ZNF491: variants seen among roughly 807,000 people sequenced by gnomAD.
The protein encoded by ZNF491 is zinc finger protein 491.
In ZNF491, 22 loss-of-function variants were observed where a neutral mutation model predicts 34.7. The observed-to-expected ratio is 0.63, with a 90% CI of 0.45 to 0.90. The LOEUF (loss-of-function observed/expected upper bound fraction) is 0.90. Among genes scored for constraint, ZNF491 ranks in the 40% least tolerant of loss-of-function variants. ZNF491 has a pLI of 0.00. For synonymous variants in ZNF491, 148 were observed against 174.3 expected (o/e 0.85, Z 1.19); for missense variants, 559 against 531.7 (o/e 1.05, Z -0.51).
intron 2 of ZNF491, among the ~76,000 whole-genome samples, chr19:11,805,479 C>T (rs1362896074): frequency 6.6e-6 from 1 of 151,226 alleles, no homozygotes; most frequent in Non-Finnish European, 1.5e-5. Context: ...ATAGACAGGC[C>T]ATCTTGTAGA....
At chr19:11,799,674 G>A (rs1392225138) in intron 1 of ZNF491, among the ~76,000 whole-genome samples, 2 of 152,018 alleles carry the variant, frequency 1.3e-5, no homozygotes, top group Non-Finnish European at 2.9e-5. Context: ...GGTGGCTCAC[G>A]TCTACAATCC....
intron 2 of ZNF491, among the ~76,000 whole-genome samples, chr19:11,805,367 C>G (rs1975597391): frequency 6.8e-6 from 1 of 148,088 alleles, no homozygotes; most frequent in Non-Finnish European, 1.5e-5. Context: ...TGAGATCACG[C>G]CATGGCACTC....
chr19:11,802,139 T>C (rs2145097218), intron 1 of ZNF491, among the ~76,000 whole-genome samples: 1 of 152,312 alleles, frequency 6.6e-6, no homozygotes, highest in South Asian at 2.1e-4. Context: ...TTTCAAATAT[T>C]TCTTTGAGAT....
chr19:11,804,535 G>A lies in ZNF491; in HGVS notation c.-133-7G>A. 6.4e-7 allele frequency: 1 copy of A among 1,551,452 alleles called. No individual in the cohort carries two copies. Among genetic ancestry groups the A allele is most frequent in the Non-Finnish European group, 8.7e-7 (1 of 1,153,886 alleles). ...CCATCCTCCTCTACACATGTGAGAT[G>A]TTTCAGGACCCAGTGGCCTTTGAGG... On this transcript the variant is annotated splice_polypyrimidine_tract_variant and splice_region_variant and intron_variant, in intron 1 of 2. Coordinates refer to ENST00000323169, the MANE Select transcript of ZNF491 (RefSeq NM_152356.4).
At position 11,806,639 on chromosome 19, in the gene ZNF491, CT is replaced by C. The variant is rs1204366190; in HGVS notation, c.690del (p.His231ThrfsTer26). The C allele has an allele frequency of 3.7e-6, 6 of 1,613,078 alleles. No individual in the cohort carries two copies. The highest frequency in any genetic ancestry group is 4.2e-6 in the Non-Finnish European group (5 of 1,179,726). ...ECGKAFNCPS[S>X]FHRHERTHTG... ...GGGAAAGCCTTCAATTGTCCCAGTT[CT>C]TTTCACAGGCATGAAAGGACTCACA... On this transcript the variant is annotated frameshift_variant, in exon 3 of 3. Coordinates refer to ENST00000323169, the MANE Select transcript of ZNF491 (RefSeq NM_152356.4). LOFTEE classifies it high-confidence loss of function.
chr19:11,806,279 A>C lies in ZNF491; in HGVS notation c.326A>C (p.Glu109Ala), dbSNP rs1472355582. The C allele has an allele frequency of 6.2e-7, 1 of 1,605,992 alleles. No homozygotes were observed. Among genetic ancestry groups the C allele is most frequent in the Non-Finnish European group, 8.5e-7 (1 of 1,177,802 alleles). Reference sequence around the variant, plus strand: ...AAACCTTTTGATTGTAAGGAATGTGAAAAATCTTTCATTTCTCCTGCAAGC... The same window carrying C: ...AAACCTTTTGATTGTAAGGAATGTGCAAAATCTTTCATTTCTCCTGCAAGC... Reference protein sequence around the residue: ...REKPFDCKECEKSFISPASIR... With the variant: ...REKPFDCKECAKSFISPASIR... The change falls in exon 3 of 3, where the codon GAA becomes GCA. Residue 109 changes from glutamate to alanine, a missense_variant. Glu to Ala is a moderately radical substitution (Grantham distance 107). Transcript: ENST00000323169.
chr19:11,801,029 A>T (rs775345964), intron 1 of ZNF491, among the ~76,000 whole-genome samples: 1 of 150,418 alleles, frequency 6.6e-6, no homozygotes, highest in Non-Finnish European at 1.5e-5. Context: ...CAGGGTGAAA[A>T]TTTTCCTCAA....
At position 11,807,034 on chromosome 19, in the gene ZNF491, G is replaced by A; in HGVS notation, c.1081G>A (p.Gly361Arg). 6.2e-7 allele frequency: 1 copy of A among 1,610,718 alleles called. No individual in the cohort carries two copies. The highest frequency in any genetic ancestry group is 2.2e-5 in the East Asian group (1 of 44,844). Residue 361 changes from glycine to arginine, a missense_variant, in exon 3 of 3, where the codon GGG becomes AGG. Physicochemically the swap from Gly to Arg is moderately radical, Grantham distance 125. Transcript: ENST00000323169. ...GAAACCCTATGAATGTAAGCAATGT[G>A]GGAAAGCATTTCATTGTGTCAGCTC... is the stretch of plus-strand genomic sequence containing the variant. ...GEKPYECKQC[G>R]KAFHCVSSFH... is the part of the protein sequence containing the mutation.
intron 1 of ZNF491, among the ~76,000 whole-genome samples, chr19:11,802,907 A>G (rs1975571247): frequency 2.0e-5 from 3 of 152,100 alleles, no homozygotes; most frequent in Admixed American, 6.6e-5. Context: ...CACCCAATGT[A>G]CAGAGAGACA....
In ZNF491 at chr19:11,807,447, C is replaced by T. The variant is rs1975631459; in HGVS notation, c.*180C>T. ...ACGCTGGGATTCACTGGTGGCCTAT[C>T]TTACATATGATTTCGAAGGCAGACA... is the stretch of plus-strand genomic sequence containing the variant. On this transcript the variant is annotated 3_prime_UTR_variant, in exon 3 of 3. Transcript: ENST00000323169. 2.1e-6 allele frequency: 1 copy of T among 483,226 alleles called. No individual in the cohort carries two copies. The highest frequency in any genetic ancestry group is 3.7e-6 in the Non-Finnish European group (1 of 273,108). 29.9% of individuals were successfully genotyped at this position (483,226 alleles called of 1,614,324 possible).
At position 11,806,121 on chromosome 19, in the gene ZNF491, C is replaced by T; in HGVS notation, c.168C>T (p.Ile56=). ...FMGYSSFNRN[I]RTDTGHQPHK... is the part of the protein sequence containing the mutation. The stretch of plus-strand genomic sequence containing the variant: ...GATATTCATCCTTTAATAGGAACAT[C>T]AGAACTGACACTGGACACCAACCAC... The change falls in exon 3 of 3, where the codon ATC becomes ATT. Residue 56 remains isoleucine (I), a synonymous_variant. Coordinates refer to ENST00000323169, the MANE Select transcript of ZNF491 (RefSeq NM_152356.4). 6.2e-7 allele frequency: 1 copy of T among 1,613,802 alleles called. No individual in the cohort carries two copies. Among genetic ancestry groups the T allele is most frequent in the Non-Finnish European group, 8.5e-7 (1 of 1,179,992 alleles).
intron 1 of ZNF491, among the ~76,000 whole-genome samples, chr19:11,800,244 G>T (rs1040464074): frequency 6.6e-5 from 10 of 152,140 alleles, no homozygotes; most frequent in Admixed American, 3.3e-4. Context: ...GAAGAGGGGG[G>T]CTCTGAGGAG....
chr19:11,801,360 TAAA>T (rs1250332223), intron 1 of ZNF491, among the ~76,000 whole-genome samples: 2 of 152,136 alleles, frequency 1.3e-5, no homozygotes, highest in Non-Finnish European at 2.9e-5. Flanking sequence ...GAAATGTCAT[TAAA>T]ATCCATTGCT....
intron 1 of ZNF491, among the ~76,000 whole-genome samples, chr19:11,801,432 G>A (rs1240830040): frequency 6.6e-6 from 1 of 152,004 alleles, no homozygotes; most frequent in Non-Finnish European, 1.5e-5. Context: ...TGAGGCGGGT[G>A]GATCATGAGG....
intron 1 of ZNF491, among the ~76,000 whole-genome samples, chr19:11,802,176 T>C (rs1366675442): frequency 1.3e-5 from 2 of 152,192 alleles, no homozygotes; most frequent in African/African-American, 4.8e-5. Context: ...TTGAATTGAA[T>C]ATAATTCGAC....
At chr19:11,803,983 T>C (rs1487940713) in intron 1 of ZNF491, among the ~76,000 whole-genome samples, 1 of 151,842 alleles carries the variant, frequency 6.6e-6, no homozygotes, top group Non-Finnish European at 1.5e-5. Flanking sequence ...GGTGGGCAGA[T>C]GACGAGATCA....
In ZNF491 at chr19:11,800,315, A is replaced by C. The variant is rs1050458687; in HGVS notation, c.-134+1588A>C. On this transcript the variant is annotated intron_variant, in intron 1 of 2. Transcript: ENST00000323169. ...CCCCTCTCCCAGCCTAGTTCTTCCC[A>C]GGTATGACAGTAAATCCCTAAATTT... Among the ~76,000 whole-genome samples the C allele has an allele frequency of 7.9e-5, 12 of 152,266 alleles. No individual in the cohort carries two copies. In the South Asian group the frequency reaches 1.0e-3, roughly 13 times the overall value.
At chr19:11,805,347 T>A (rs943667601) in intron 2 of ZNF491, among the ~76,000 whole-genome samples, 6 of 140,638 alleles carry the variant, frequency 4.3e-5, no homozygotes, top group Non-Finnish European at 9.0e-5. Flanking sequence ...AGGTGGAGGT[T>A]GCAGTGAGCT....
chr19:11,807,100 T>C lies in ZNF491; in HGVS notation c.1147T>C (p.Tyr383His). The change falls in exon 3 of 3, where the codon TAT (tyrosine) becomes CAT (histidine). Residue 383 changes from tyrosine to histidine, a missense_variant. By Grantham distance (83) the Tyr-to-His change is moderately conservative. Coordinates refer to ENST00000323169, the MANE Select transcript of ZNF491 (RefSeq NM_152356.4). Reference protein sequence around the residue: ...HERTHAGEKPYECKHCGKAFT... With the variant: ...HERTHAGEKPHECKHCGKAFT... ...AAGGACTCACGCTGGAGAAAAACCT[T>C]ATGAATGTAAGCATTGTGGGAAAGC... 6.2e-7 allele frequency: 1 copy of C among 1,610,426 alleles called. No individual in the cohort carries two copies. The highest frequency in any genetic ancestry group is 1.1e-5 in the South Asian group (1 of 90,450).
Sources: gnomAD v4.1 joint callset for allele counts (sites outside exome capture counted in the v4.1 genomes callset) on GRCh38, gnomAD v4.1.1 for gene constraint, MANE v1.5 for transcripts, NCBI Gene and HGNC (gene_info 2026-07-23, HGNC 2026-07-21) for gene names.